The following PCDH7 variants were observed in gnomAD, a reference collection of about 807,000 sequenced individuals.
PCDH7 encodes the protein protocadherin 7.
In PCDH7, 17 loss-of-function variants were observed where a neutral mutation model predicts 58.9. That is an observed-to-expected ratio of 0.29 (90% CI 0.20 to 0.43). The LOEUF is 0.43. PCDH7 is among the 20% of genes least tolerant of loss of function. The pLI is 1.00. For missense variants in PCDH7, 1,274 were observed against 1,441.0 expected (o/e 0.88, Z 1.88); for synonymous variants, 664 against 616.4 (o/e 1.08, Z -1.14).
intron 3 of PCDH7, among the ~76,000 whole-genome samples, chr4:31,033,611 T>G (rs2109191147): frequency 6.6e-6 from 1 of 152,314 alleles, no homozygotes. Flanking sequence ...GCAATGCTTT[T>G]TATTCAACAT....
At chr4:30,917,807 G>A (rs373990471) in intron 1 of PCDH7, among the ~76,000 whole-genome samples, 30 of 152,048 alleles carry the variant, frequency 2.0e-4, no homozygotes, top group Middle Eastern at 3.4e-3. Flanking sequence ...AGCTATCACC[G>A]GTTTCTCTGC....
chr4:31,032,978 T>G (rs1457100607), intron 3 of PCDH7, among the ~76,000 whole-genome samples: 1 of 152,196 alleles, frequency 6.6e-6, no homozygotes, highest in African/African-American at 2.4e-5. Context: ...TTTATGACTT[T>G]TTTTTTGTAA....
At chr4:30,749,088 A>C (rs1281848536) in intron 1 of PCDH7, among the ~76,000 whole-genome samples, 1 of 152,210 alleles carries the variant, frequency 6.6e-6, no homozygotes, top group African/African-American at 2.4e-5. Flanking sequence ...TAGCTTCCTC[A>C]AATGCATTCG....
chr4:31,036,495 C>A (rs978474588), intron 3 of PCDH7, among the ~76,000 whole-genome samples: 2 of 152,000 alleles, frequency 1.3e-5, no homozygotes, highest in Admixed American at 6.6e-5. Context: ...GCCTGTAGTT[C>A]TTGAAGTATA....
At chr4:30,778,856 G>A (rs1426004743) in intron 1 of PCDH7, among the ~76,000 whole-genome samples, 1 of 152,028 alleles carries the variant, frequency 6.6e-6, no homozygotes, top group Non-Finnish European at 1.5e-5. Context: ...GAAATAAAGA[G>A]CCGAATTGAG....
intron 1 of PCDH7, among the ~76,000 whole-genome samples, chr4:30,797,272 G>T (rs1302491099): frequency 6.6e-6 from 1 of 150,756 alleles, no homozygotes; most frequent in Non-Finnish European, 1.5e-5. Flanking sequence ...GGTTTTGTTT[G>T]GTTTGGTTTG....
At chr4:30,775,768 G>A (rs1374589820) in intron 1 of PCDH7, among the ~76,000 whole-genome samples, 1 of 151,996 alleles carries the variant, frequency 6.6e-6, no homozygotes, top group East Asian at 1.9e-4. Context: ...ATGGTGACGC[G>A]TATCTGTAAT....
chr4:30,851,718 A>T (rs565924789), intron 1 of PCDH7, among the ~76,000 whole-genome samples: 1 of 152,190 alleles, frequency 6.6e-6, no homozygotes, highest in African/African-American at 2.4e-5. Context: ...AGTAACCACT[A>T]CTGAGTGTAG....
At chr4:30,748,185 C>G (rs1718013578) in intron 1 of PCDH7, among the ~76,000 whole-genome samples, 1 of 152,110 alleles carries the variant, frequency 6.6e-6, no homozygotes, top group African/African-American at 2.4e-5. Context: ...GTGCTTGTTA[C>G]ATACAAATAC....
chr4:30,918,388 A>C (rs1742752996), intron 1 of PCDH7, among the ~76,000 whole-genome samples: 1 of 152,212 alleles, frequency 6.6e-6, no homozygotes, highest in East Asian at 1.9e-4. Flanking sequence ...ACAGGTAAAA[A>C]TGAGAGTACA....
chr4:30,975,399 A>G (rs1045084538), intron 3 of PCDH7, among the ~76,000 whole-genome samples: 2 of 152,144 alleles, frequency 1.3e-5, no homozygotes, highest in East Asian at 3.9e-4. Flanking sequence ...GACTAATATA[A>G]TACAGGCCCT....
chr4:31,134,167 A>C (rs1422660023), intron 3 of PCDH7, among the ~76,000 whole-genome samples: 1 of 152,192 alleles, frequency 6.6e-6, no homozygotes, highest in African/African-American at 2.4e-5. Flanking sequence ...GGAGATATAA[A>C]AGAAGTAGAA....
At chr4:30,801,886 A>C (rs972549650) in intron 1 of PCDH7, among the ~76,000 whole-genome samples, 5 of 152,174 alleles carry the variant, frequency 3.3e-5, no homozygotes, top group African/African-American at 1.2e-4. Flanking sequence ...TATGCTCACT[A>C]TTTAGATTCC....
chr4:31,055,766 G>C (rs11736953), intron 3 of PCDH7, among the ~76,000 whole-genome samples: 35,947 of 151,450 alleles, frequency 0.24, 4,521 homozygotes, highest in South Asian at 0.33. Context: ...TAGTAGAGGC[G>C]GGGTTTCGCC....
intron 3 of PCDH7, among the ~76,000 whole-genome samples, chr4:31,084,838 G>A (rs1335089071): frequency 4.6e-5 from 7 of 151,392 alleles, no homozygotes; most frequent in Admixed American, 4.6e-4. Context: ...TAAACAACCA[G>A]ATCTTGCATG....
chr4:30,750,025 A>G (rs1330972164), intron 1 of PCDH7, among the ~76,000 whole-genome samples: 1 of 152,302 alleles, frequency 6.6e-6, no homozygotes, highest in East Asian at 1.9e-4. Flanking sequence ...AGGTATTTAT[A>G]TCTAGTGGGT....
chr4:31,067,510 G>T (rs139687234), intron 3 of PCDH7, among the ~76,000 whole-genome samples: 1 of 151,976 alleles, frequency 6.6e-6, no homozygotes, highest in African/African-American at 2.4e-5. Flanking sequence ...ATTTCCGTGG[G>T]CTGTTGAATA....
intron 1 of PCDH7, among the ~76,000 whole-genome samples, chr4:30,878,079 T>C (rs950999902): frequency 1.6e-4 from 24 of 152,128 alleles, no homozygotes; most frequent in African/African-American, 5.3e-4. Context: ...TGGATTCAGT[T>C]GTGTGACTTA....
At chr4:30,937,918 A>G (rs777502412) in intron 2 of PCDH7, among the ~76,000 whole-genome samples, 1 of 151,666 alleles carries the variant, frequency 6.6e-6, no homozygotes, top group Non-Finnish European at 1.5e-5. Flanking sequence ...TGGCGTGTGT[A>G]GTTTGCTAAT....
Sources: allele counts gnomAD v4.1 joint callset (sites outside exome capture counted in the v4.1 genomes callset), GRCh38; gene constraint gnomAD v4.1.1; transcripts MANE v1.5; gene names NCBI Gene and HGNC (gene_info 2026-07-23, HGNC 2026-07-21).